Variants in POLR3B observed in about 807,000 individuals in gnomAD.
POLR3B encodes DNA-directed RNA polymerase III subunit RPC2.
Under a neutral mutation model 147.4 loss-of-function variants are expected in POLR3B, and 96 were observed. The ratio of observed to expected loss-of-function variants is 0.65; its 90% CI spans 0.55 to 0.77. The LOEUF is 0.77. POLR3B is among the 30% of genes least tolerant of loss of function. The pLI is 0.00. For synonymous variants in POLR3B, 461 were observed against 485.9 expected, an observed-to-expected ratio of 0.95 and a Z score of 0.67; for missense variants, 1,036 against 1,413.5, an observed-to-expected ratio of 0.73 and a Z score of 4.28.
At chr12:106,507,736 C>T (rs1182365057) in intron 27 of POLR3B, 4 of 455,720 alleles carry the variant, frequency 8.8e-6, no homozygotes, top group Non-Finnish European at 1.8e-5. Context: ...TCCCATTCTC[C>T]TCCTCAGGAA....
At chr12:106,476,048 T>G (rs1469022978) in intron 23 of POLR3B, among the ~76,000 whole-genome samples, 1 of 150,790 alleles carries the variant, frequency 6.6e-6, no homozygotes, top group Non-Finnish European at 1.5e-5. Flanking sequence ...AGGAGCTCTT[T>G]TAGGGCAGGC....
chr12:106,408,730 A>G (rs2037182004), intron 11 of POLR3B, among the ~76,000 whole-genome samples: 1 of 152,168 alleles, frequency 6.6e-6, no homozygotes, highest in African/African-American at 2.4e-5. Context: ...GTATCCCACA[A>G]AGGAGTATCT....
At chr12:106,368,899 TTTTTTG>T (rs1241053163) in intron 4 of POLR3B, among the ~76,000 whole-genome samples, 5 of 152,106 alleles carry the variant, frequency 3.3e-5, no homozygotes, top group Non-Finnish European at 7.4e-5. Context: ...TGAGCGTTTT[TTTTTTG>T]TTTGTTTTTT....
In POLR3B at chr12:106,431,936, T is replaced by G. The variant is rs375705949; in HGVS notation, c.1465-382T>G. On this transcript the variant is annotated intron_variant, in intron 14 of 27. Transcript: ENST00000228347. ...AGTTTTATATTTTTATGTAGCTGCA[T>G]TTATTAATGTTTTCCTTTACTTATT... Among the ~76,000 whole-genome samples, 20 of 152,348 alleles carry G rather than the reference T, an allele frequency of 1.3e-4. No individual in the cohort carries two copies. The East Asian group carries it at 2.5e-3, about 19-fold the overall frequency.
chr12:106,465,230 T>A (rs554680572), intron 23 of POLR3B, among the ~76,000 whole-genome samples: 1 of 152,304 alleles, frequency 6.6e-6, no homozygotes, highest in South Asian at 2.1e-4. Flanking sequence ...TCATTTGTAG[T>A]CTCTATCTTA....
At chr12:106,433,112 G>A (rs2037531694) in intron 15 of POLR3B, among the ~76,000 whole-genome samples, 1 of 152,068 alleles carries the variant, frequency 6.6e-6, no homozygotes, top group Non-Finnish European at 1.5e-5. Flanking sequence ...ATTCTAGGAG[G>A]CATTAACTCT....
intron 6 of POLR3B, 21 bp from the exon 7 acceptor site, chr12:106,376,338 C>A (rs960831048): frequency 3.2e-6 from 5 of 1,551,386 alleles, no homozygotes; most frequent in Middle Eastern, 1.7e-4. Context: ...GTGATATTTT[C>A]TTTTGTTTTA....
At chr12:106,502,368 C>T (rs908869353) in intron 26 of POLR3B, among the ~76,000 whole-genome samples, 3 of 152,170 alleles carry the variant, frequency 2.0e-5, no homozygotes, top group Non-Finnish European at 2.9e-5. Flanking sequence ...AAGCCTTAGA[C>T]AGATCACTGA....
intron 23 of POLR3B, among the ~76,000 whole-genome samples, chr12:106,483,551 T>C (rs940137471): frequency 5.3e-5 from 8 of 152,248 alleles, no homozygotes; most frequent in African/African-American, 1.4e-4. Context: ...GAGTTTACCA[T>C]AGATAGGAAT....
chr12:106,366,812 C>G, intron 4 of POLR3B, 90 bp downstream of exon 4: 1 of 1,118,600 alleles, frequency 8.9e-7, no homozygotes, highest in Admixed American at 1.7e-5. Context: ...CTTTTAAAAT[C>G]ATTGTCTTGG....
In POLR3B at chr12:106,417,053, A is replaced by G. The variant is rs189973517; in HGVS notation, c.1101+6093A>G. 2.0e-5 allele frequency among the ~76,000 whole-genome samples: 3 copies of G among 152,254 alleles called. No homozygotes were observed. In the East Asian group the frequency reaches 5.8e-4, roughly 29 times the overall value. On this transcript the variant is annotated intron_variant, in intron 12 of 27. Coordinates refer to ENST00000228347, the MANE Select transcript of POLR3B (RefSeq NM_018082.6). ...CCTTAGGCCAGTAACAGTTTATTCA[A>G]GTCTTTATTTGCATGCTAAATTAAC...
rs781559477 is a variant in POLR3B, at chr12:106,363,846, T to C, written c.73-24T>C. On this transcript the variant is annotated intron_variant, in intron 1 of 27. Coordinates refer to ENST00000228347, the MANE Select transcript of POLR3B (RefSeq NM_018082.6). ...TACTGTTGCTGGTACAGAGTTCTGA[T>C]ATTCTTCTTGTTTTGGCTCACAGGA... 5 of 1,590,862 alleles carry C rather than the reference T, an allele frequency of 3.1e-6. No homozygotes were observed. The South Asian group carries it at 5.5e-5, about 18-fold the overall frequency.
At chr12:106,410,742 G>A (rs1232817637) in intron 11 of POLR3B, 84 bp from the exon 12 acceptor site, 22 of 1,093,042 alleles carry the variant, frequency 2.0e-5, no homozygotes, top group Non-Finnish European at 3.1e-5. Context: ...TTAGTTGAAT[G>A]TTATAGTATT....
intron 23 of POLR3B, among the ~76,000 whole-genome samples, chr12:106,470,568 G>A (rs543982929): frequency 6.6e-6 from 1 of 152,200 alleles, no homozygotes; most frequent in Non-Finnish European, 1.5e-5. Flanking sequence ...TTCTGCTCTG[G>A]TTTCTCCCCA....
intron 11 of POLR3B, among the ~76,000 whole-genome samples, chr12:106,409,714 T>C (rs1342044016): frequency 1.3e-5 from 2 of 151,690 alleles, no homozygotes; most frequent in East Asian, 3.9e-4. Flanking sequence ...TTTATTGTCA[T>C]AGTGATAAAT....
intron 18 of POLR3B, among the ~76,000 whole-genome samples, chr12:106,441,505 A>C (rs1408642230): frequency 6.6e-6 from 1 of 152,202 alleles, no homozygotes; most frequent in Non-Finnish European, 1.5e-5. Context: ...ACATATCTAA[A>C]CAAAGAAAAG....
chr12:106,387,323 C>T (rs776409468), intron 9 of POLR3B, among the ~76,000 whole-genome samples: 1 of 152,152 alleles, frequency 6.6e-6, no homozygotes. Context: ...TACTTAACCA[C>T]TTTCCTCTAG....
chr12:106,358,258 TGGGG>T, intron 1 of POLR3B: 1 of 1,334,008 alleles, frequency 7.5e-7, no homozygotes, highest in Non-Finnish European at 9.7e-7. Flanking sequence ...GCACTTACTG[TGGGG>T]GACGTATTGC....
chr12:106,408,538 T>G (rs778015685), intron 11 of POLR3B, among the ~76,000 whole-genome samples: 53 of 152,148 alleles, frequency 3.5e-4, no homozygotes, highest in Admixed American at 2.2e-3. Flanking sequence ...ATGCTAAAGT[T>G]TAGAAACCAC....
Sources: allele counts gnomAD v4.1 joint callset (sites outside exome capture counted in the v4.1 genomes callset), GRCh38; gene constraint gnomAD v4.1.1; transcripts MANE v1.5; gene names NCBI Gene and HGNC (gene_info 2026-07-23, HGNC 2026-07-21).